The following SIPA1L3 variants were observed in gnomAD, a reference collection of about 807,000 sequenced individuals.
SIPA1L3 encodes the protein signal-induced proliferation-associated 1-like protein 3.
In SIPA1L3, 59 loss-of-function variants were observed where a neutral mutation model predicts 150.1. That is an observed-to-expected ratio of 0.39 (90% confidence interval 0.32 to 0.49). The LOEUF is 0.49. Among genes scored for constraint, SIPA1L3 ranks in the 20% least tolerant of loss-of-function variants. SIPA1L3 has a pLI of 0.86. For missense variants in SIPA1L3, 2,211 were observed against 2,489.5 expected, an observed-to-expected ratio of 0.89 and a Z score of 2.38; for synonymous variants, 1,070 against 1,077.6, an observed-to-expected ratio of 0.99 and a Z score of 0.14.
chr19:38,081,679 A>T lies in SIPA1L3; in HGVS notation c.114A>T (p.Gly38=). The change falls in exon 3 of 22, where the codon GGA becomes GGT. Residue 38 remains glycine (G), a synonymous_variant. Coordinates refer to ENST00000222345, the MANE Select transcript of SIPA1L3 (RefSeq NM_015073.3). ...ACACAGGGGACTACGCTCCCTTGGG[A>T]TTCTGGGCCCAGAATGGCAGCATGT... is the stretch of plus-strand genomic sequence containing the variant. ...GPHTGDYAPL[G]FWAQNGSMSQ... The T allele has an allele frequency of 6.2e-7, 1 of 1,612,230 alleles. No individual in the cohort carries two copies. Among genetic ancestry groups the T allele is most frequent in the Non-Finnish European group, 8.5e-7 (1 of 1,179,808 alleles).
chr19:37,925,274 T>A (rs2046493164), intron 1 of SIPA1L3, among the ~76,000 whole-genome samples: 1 of 152,304 alleles, frequency 6.6e-6, no homozygotes, highest in Non-Finnish European at 1.5e-5. Flanking sequence ...CATTGTTGAC[T>A]GAAACAGTGT....
chr19:38,141,488 C>T, intron 11 of SIPA1L3, 53 bp downstream of exon 11: 1 of 1,542,148 alleles, frequency 6.5e-7, no homozygotes. Flanking sequence ...AGCCCACACC[C>T]ATCCTCCGCC....
chr19:38,003,820 A>C (rs1179049814), intron 1 of SIPA1L3, among the ~76,000 whole-genome samples: 2 of 152,042 alleles, frequency 1.3e-5, no homozygotes, highest in Non-Finnish European at 2.9e-5. Flanking sequence ...TTTGGTAGAG[A>C]AATGAGCTCA....
chr19:38,009,556 A>T (rs1195847968), intron 1 of SIPA1L3, among the ~76,000 whole-genome samples: 2 of 151,936 alleles, frequency 1.3e-5, no homozygotes, highest in Admixed American at 1.3e-4. Context: ...TGTGCCAGTT[A>T]CTTTTCCAAC....
Position 38,081,815 on chromosome 19 carries a change from G to T in SIPA1L3, c.250G>T (p.Ala84Ser). 1.9e-6 allele frequency: 3 copies of T among 1,613,542 alleles called. No homozygotes were observed. Among genetic ancestry groups the T allele is most frequent in the Non-Finnish European group, 1.7e-6 (2 of 1,179,832 alleles). Reference sequence around the variant, plus strand: ...CAAGATGGGCGTGCGCGCAAGGGTGGCCGACTGGCCGCCCAAGCGGGAGGC... The same window carrying T: ...CAAGATGGGCGTGCGCGCAAGGGTGTCCGACTGGCCGCCCAAGCGGGAGGC... ...MPKMGVRARV[A>S]DWPPKREALR... Residue 84 changes from alanine (A) to serine (S), a missense_variant, in exon 3 of 22, where the codon GCC (alanine) becomes TCC (serine). Ala to Ser is a moderately conservative substitution (Grantham distance 99). Transcript: ENST00000222345.
At chr19:38,068,373 C>T (rs1035982388) in intron 2 of SIPA1L3, among the ~76,000 whole-genome samples, 1 of 152,136 alleles carries the variant, frequency 6.6e-6, no homozygotes, top group Non-Finnish European at 1.5e-5. Flanking sequence ...CTGTTGCTGA[C>T]TTGCTGGAAT....
chr19:37,969,195 T>C (rs1322832773), intron 1 of SIPA1L3, among the ~76,000 whole-genome samples: 3 of 151,976 alleles, frequency 2.0e-5, no homozygotes, highest in African/African-American at 7.3e-5. Context: ...ATCATGCCAC[T>C]GCACTCCAGC....
At chr19:38,134,069 C>T (rs1971375486) in intron 10 of SIPA1L3, among the ~76,000 whole-genome samples, 3 of 151,884 alleles carry the variant, frequency 2.0e-5, no homozygotes, top group South Asian at 2.1e-4. Context: ...CTGCAAGCTC[C>T]GCCTCCTGTG....
chr19:38,074,570 T>C (rs1024214490), intron 2 of SIPA1L3, among the ~76,000 whole-genome samples: 2 of 152,250 alleles, frequency 1.3e-5, no homozygotes, highest in African/African-American at 4.8e-5. Context: ...CACAGCGGAC[T>C]GTGGGGCAGG....
At chr19:38,051,863 C>T (rs990220364) in intron 2 of SIPA1L3, among the ~76,000 whole-genome samples, 3 of 152,210 alleles carry the variant, frequency 2.0e-5, no homozygotes, top group African/African-American at 4.8e-5. Flanking sequence ...TCCCAAAATG[C>T]TGGGATCGCA....
At chr19:38,065,863 T>TATTTATTTATTTATTTATTTA (rs1599988611) in intron 2 of SIPA1L3, among the ~76,000 whole-genome samples, 1 of 147,590 alleles carries the variant, frequency 6.8e-6, no homozygotes, top group African/African-American at 2.5e-5. Flanking sequence ...TTTATTTATT[T>TATTTATTTATTTATTTATTTA]TTGAGGCAAC....
At chr19:38,058,467 C>CACAT (rs1337939464) in intron 2 of SIPA1L3, among the ~76,000 whole-genome samples, 2 of 152,088 alleles carry the variant, frequency 1.3e-5, no homozygotes, top group Non-Finnish European at 2.9e-5. Context: ...CCCCAGCTGT[C>CACAT]ACATATGGAG....
At chr19:37,968,925 G>C (rs533694137) in intron 1 of SIPA1L3, among the ~76,000 whole-genome samples, 1 of 152,232 alleles carries the variant, frequency 6.6e-6, no homozygotes, top group Non-Finnish European at 1.5e-5. Context: ...CCTGGGTCAG[G>C]TGTGGAACCC....
chr19:37,980,364 A>G (rs977659919), intron 1 of SIPA1L3, among the ~76,000 whole-genome samples: 1 of 152,228 alleles, frequency 6.6e-6, no homozygotes, highest in Non-Finnish European at 1.5e-5. Flanking sequence ...TAGCCTACTC[A>G]GTACTCTGCT....
At chr19:38,204,636 G>A (rs1408839841) in intron 21 of SIPA1L3, among the ~76,000 whole-genome samples, 1 of 151,974 alleles carries the variant, frequency 6.6e-6, no homozygotes, top group Non-Finnish European at 1.5e-5. Flanking sequence ...GTGGTGGCGG[G>A]TGCCTGTAAT....
chr19:37,961,860 C>G (rs1468040150), intron 1 of SIPA1L3, among the ~76,000 whole-genome samples: 2 of 152,010 alleles, frequency 1.3e-5, no homozygotes, highest in Admixed American at 1.3e-4. Flanking sequence ...TTTTTTTGAT[C>G]TATCTTTAAG....
intron 13 of SIPA1L3, among the ~76,000 whole-genome samples, chr19:38,161,180 A>G (rs1162763372): frequency 1.3e-5 from 2 of 150,332 alleles, no homozygotes; most frequent in East Asian, 2.0e-4. Flanking sequence ...CGTCTCTACT[A>G]AAAATACAAA....
At chr19:37,974,930 C>A (rs1967039823) in intron 1 of SIPA1L3, among the ~76,000 whole-genome samples, 1 of 152,176 alleles carries the variant, frequency 6.6e-6, no homozygotes, top group Admixed American at 6.5e-5. Context: ...TTAATCCCAG[C>A]ACTTTGGGAG....
intron 1 of SIPA1L3, among the ~76,000 whole-genome samples, chr19:37,950,911 T>G (rs1357848706): frequency 1.3e-5 from 2 of 152,248 alleles, no homozygotes; most frequent in East Asian, 3.8e-4. Flanking sequence ...TGGGGAATCT[T>G]GGTAACAGTT....
Sources: allele counts gnomAD v4.1 joint callset (sites outside exome capture counted in the v4.1 genomes callset), GRCh38; gene constraint gnomAD v4.1.1; transcripts MANE v1.5; gene names NCBI Gene and HGNC (gene_info 2026-07-23, HGNC 2026-07-21).